The following EYS variants were observed in gnomAD, a reference collection of about 807,000 sequenced individuals.
EYS encodes the protein EGF-like photoreceptor maintenance factor, also known as protein eyes shut homolog.
In EYS, 250 loss-of-function variants were observed where a neutral mutation model predicts 282.1. The observed-to-expected ratio is 0.89, with a 90% CI of 0.80 to 0.98. The LOEUF is 0.98. EYS is among the 50% of genes least tolerant of loss of function. The probability of loss-of-function intolerance (pLI) is 0.00; values close to 1 mark genes in which losing one functional copy is unlikely to be tolerated. For missense variants in EYS, 4,016 were observed against 3,709.0 expected (o/e 1.08, Z -2.15); for synonymous variants, 1,355 against 1,282.9 (o/e 1.06, Z -1.20).
intron 2 of EYS, among the ~76,000 whole-genome samples, chr6:65,630,200 T>C (rs1341689537): frequency 6.6e-6 from 1 of 152,222 alleles, no homozygotes; most frequent in Non-Finnish European, 1.5e-5. Context: ...GGTTGTCTTG[T>C]GTCTGCTTCA....
At chr6:64,917,676 TAAGA>T (rs1768208631) in intron 15 of EYS, among the ~76,000 whole-genome samples, 1 of 152,152 alleles carries the variant, frequency 6.6e-6, no homozygotes, top group Admixed American at 6.5e-5. Context: ...TAAAATTTTT[TAAGA>T]GAGATTTTAA....
chr6:65,074,876 A>C (rs1377852305), intron 12 of EYS, among the ~76,000 whole-genome samples: 4 of 152,092 alleles, frequency 2.6e-5, no homozygotes, highest in Non-Finnish European at 5.9e-5. Flanking sequence ...ACCTCACTGC[A>C]TGCAAAAACA....
chr6:63,844,323 C>T lies in EYS; in HGVS notation c.7228+19863G>A, dbSNP rs531579352. Among the ~76,000 whole-genome samples, 120 of 152,298 alleles carry T rather than the reference C, an allele frequency of 7.9e-4. 1 individual carries two copies. The South Asian group carries it at 8.5e-3, about 11-fold the overall frequency. The stretch of plus-strand genomic sequence containing the variant: ...TAGTGCTGCAATGAACATACGCATG[C>T]AAGCATCTTTATAATAGAATCATTT... On this transcript the variant is annotated intron_variant, in intron 36 of 42. Coordinates refer to ENST00000503581, the MANE Select transcript of EYS (RefSeq NM_001142800.2).
chr6:65,232,998 T>G (rs1269552555), intron 12 of EYS, among the ~76,000 whole-genome samples: 1 of 152,174 alleles, frequency 6.6e-6, no homozygotes, highest in South Asian at 2.1e-4. Flanking sequence ...TTCATTTCAG[T>G]TCATTAAAGA....
intron 31 of EYS, among the ~76,000 whole-genome samples, chr6:64,139,830 G>A (rs929452724): frequency 1.3e-5 from 2 of 151,848 alleles, no homozygotes; most frequent in East Asian, 1.9e-4. Context: ...TTAGCTGGGC[G>A]TGGTGGCAGG....
At chr6:64,704,470 C>T (rs1198674684) in intron 22 of EYS, among the ~76,000 whole-genome samples, 3 of 31,446 alleles carry the variant, frequency 9.5e-5, no homozygotes, top group Non-Finnish European at 1.5e-4. Flanking sequence ...TAATATAATA[C>T]TTATAATTAT....
chr6:64,878,643 C>G (rs753892192), intron 19 of EYS, among the ~76,000 whole-genome samples: 2 of 151,518 alleles, frequency 1.3e-5, no homozygotes, highest in African/African-American at 2.4e-5. Context: ...TAATTTTTCT[C>G]TGTGTGTGTT....
chr6:65,045,467 T>C (rs1478902247), intron 13 of EYS, among the ~76,000 whole-genome samples: 1 of 151,856 alleles, frequency 6.6e-6, no homozygotes, highest in Non-Finnish European at 1.5e-5. Context: ...GGGGGCATGA[T>C]GACATTCTGA....
chr6:64,888,435 C>T (rs1562243962), intron 18 of EYS, among the ~76,000 whole-genome samples: 1 of 151,344 alleles, frequency 6.6e-6, no homozygotes, highest in South Asian at 2.1e-4. Context: ...AACAACACAA[C>T]AAAACAACAC....
intron 40 of EYS, among the ~76,000 whole-genome samples, chr6:63,771,472 T>C (rs1445004844): frequency 1.3e-5 from 2 of 152,186 alleles, no homozygotes; most frequent in African/African-American, 4.8e-5. Context: ...TCTAAAAATG[T>C]AAATGGCTTT....
chr6:65,343,894 G>A (rs1770292199), intron 10 of EYS, 144 bp downstream of exon 10: 4 of 700,130 alleles, frequency 5.7e-6, no homozygotes, highest in Non-Finnish European at 9.7e-6. Flanking sequence ...TTGAGAATTT[G>A]TTTACGAAGT....
At chr6:64,212,758 G>A (rs1765817962) in intron 31 of EYS, among the ~76,000 whole-genome samples, 1 of 151,560 alleles carries the variant, frequency 6.6e-6, no homozygotes, top group African/African-American at 2.4e-5. Flanking sequence ...TCCATTACTG[G>A]GTATATACCC....
intron 12 of EYS, among the ~76,000 whole-genome samples, chr6:65,243,600 A>T (rs965449557): frequency 5.9e-5 from 9 of 151,696 alleles, no homozygotes; most frequent in Non-Finnish European, 1.0e-4. Context: ...AATGTCAAAG[A>T]CTTTATTTTT....
chr6:64,074,199 T>C (rs916286838), intron 32 of EYS, among the ~76,000 whole-genome samples: 1 of 151,702 alleles, frequency 6.6e-6, no homozygotes, highest in Non-Finnish European at 1.5e-5. Context: ...TTGTTAAGCA[T>C]AAAAGTGCTG....
chr6:64,068,523 CG>C (rs930877791), intron 32 of EYS, among the ~76,000 whole-genome samples: 1 of 58,226 alleles, frequency 1.7e-5, no homozygotes, highest in African/African-American at 6.7e-5. Flanking sequence ...GGTGGGGGGA[CG>C]GGGGAGGGAT....
At chr6:64,422,388 G>GTATGTTC (rs1238061733) in intron 28 of EYS, among the ~76,000 whole-genome samples, 1 of 152,156 alleles carries the variant, frequency 6.6e-6, no homozygotes, top group African/African-American at 2.4e-5. Flanking sequence ...GGATAAGCAT[G>GTATGTTC]TATGTTCTAC....
intron 15 of EYS, among the ~76,000 whole-genome samples, chr6:64,916,775 G>A (rs938225076): frequency 6.6e-6 from 1 of 152,096 alleles, no homozygotes; most frequent in Non-Finnish European, 1.5e-5. Flanking sequence ...AAGTAAGTGC[G>A]TGCCTAAAGA....
At chr6:63,858,767 G>T (rs1241516643) in intron 36 of EYS, among the ~76,000 whole-genome samples, 2 of 152,172 alleles carry the variant, frequency 1.3e-5, no homozygotes, top group African/African-American at 4.8e-5. Context: ...CAATCAAACA[G>T]CTGTTGAGTT....
chr6:64,799,469 T>C (rs1373324830), intron 22 of EYS, among the ~76,000 whole-genome samples: 2 of 151,834 alleles, frequency 1.3e-5, no homozygotes, highest in Non-Finnish European at 2.9e-5. Flanking sequence ...CACTAAAATA[T>C]TGTAAGCTTA....
Sources: gnomAD v4.1 joint callset for allele counts (sites outside exome capture counted in the v4.1 genomes callset) on GRCh38, gnomAD v4.1.1 for gene constraint, MANE v1.5 for transcripts, NCBI Gene and HGNC (gene_info 2026-07-23, HGNC 2026-07-21) for gene names.